The following ZNF385B variants were observed in gnomAD, a reference collection of about 807,000 sequenced individuals.
ZNF385B encodes the protein zinc finger protein 385B.
ZNF385B carries 23 observed loss-of-function variants against 39.2 expected under a neutral mutation model. The observed-to-expected ratio is 0.59, with a 90% confidence interval of 0.42 to 0.83. The LOEUF is 0.83. Among genes scored for constraint, ZNF385B ranks in the 40% least tolerant of loss-of-function variants. ZNF385B has a pLI of 0.00. For missense variants in ZNF385B, 552 were observed against 598.9 expected (o/e 0.92, Z 0.82); for synonymous variants, 205 against 222.6 (o/e 0.92, Z 0.70).
intron 3 of ZNF385B, among the ~76,000 whole-genome samples, chr2:179,643,432 T>C (rs562178694): frequency 6.6e-6 from 1 of 152,180 alleles, no homozygotes; most frequent in African/African-American, 2.4e-5. Flanking sequence ...GAAAATTCAC[T>C]GAGACAGTTT....
At chr2:179,739,369 C>G (rs1701953648) in intron 3 of ZNF385B, among the ~76,000 whole-genome samples, 1 of 152,162 alleles carries the variant, frequency 6.6e-6, no homozygotes, top group Admixed American at 6.5e-5. Context: ...GATTATAGAA[C>G]AGGCTCCTCT....
intron 6 of ZNF385B, among the ~76,000 whole-genome samples, chr2:179,472,504 G>A (rs907971793): frequency 6.6e-6 from 1 of 152,144 alleles, no homozygotes; most frequent in Non-Finnish European, 1.5e-5. Context: ...ATATTTCAAA[G>A]CAACGAATAA....
chr2:179,621,920 T>C (rs936757650), intron 3 of ZNF385B, among the ~76,000 whole-genome samples: 3 of 152,204 alleles, frequency 2.0e-5, no homozygotes, highest in Non-Finnish European at 2.9e-5. Context: ...TTTGACAACA[T>C]GATGAGAGTT....
chr2:179,493,709 A>G (rs1245623757), intron 5 of ZNF385B, among the ~76,000 whole-genome samples: 17 of 92,028 alleles, frequency 1.8e-4, no homozygotes, highest in South Asian at 6.8e-4. Flanking sequence ...ATATGTATAC[A>G]CATATGCATA....
At chr2:179,854,119 T>C (rs773973671) in intron 1 of ZNF385B, among the ~76,000 whole-genome samples, 1 of 152,228 alleles carries the variant, frequency 6.6e-6, no homozygotes, top group Non-Finnish European at 1.5e-5. Flanking sequence ...GGCATTTTTG[T>C]GCTCTTATTC....
At chr2:179,674,161 C>G (rs140117243) in intron 3 of ZNF385B, among the ~76,000 whole-genome samples, 5 of 152,130 alleles carry the variant, frequency 3.3e-5, no homozygotes, top group South Asian at 2.1e-4. Flanking sequence ...ATCTATTTAA[C>G]AAGATTTAAA....
At chr2:179,775,423 C>A (rs1298343625) in intron 1 of ZNF385B, among the ~76,000 whole-genome samples, 1 of 152,118 alleles carries the variant, frequency 6.6e-6, no homozygotes, top group Non-Finnish European at 1.5e-5. Flanking sequence ...ATAACAGTCC[C>A]CAAAATACTT....
At chr2:179,600,769 C>T (rs908916787) in intron 3 of ZNF385B, among the ~76,000 whole-genome samples, 1 of 152,162 alleles carries the variant, frequency 6.6e-6, no homozygotes, top group Admixed American at 6.5e-5. Flanking sequence ...ATTGTGAGCT[C>T]CTTGAAGACA....
chr2:179,446,373 G>A, intron 7 of ZNF385B, 152 bp downstream of exon 7: 1 of 1,081,478 alleles, frequency 9.2e-7, no homozygotes, highest in Non-Finnish European at 1.3e-6. Flanking sequence ...AAAGTCATAT[G>A]ATCATACTTT....
intron 1 of ZNF385B, among the ~76,000 whole-genome samples, chr2:179,801,282 A>C (rs1012883788): frequency 2.6e-5 from 4 of 152,114 alleles, no homozygotes; most frequent in African/African-American, 4.8e-5. Context: ...ATAATGATCA[A>C]GGTTGATCTA....
chr2:179,519,991 G>A (rs2058366983), intron 4 of ZNF385B, among the ~76,000 whole-genome samples: 1 of 152,162 alleles, frequency 6.6e-6, no homozygotes. Context: ...ACAGGACAAT[G>A]TATTCCTATT....
chr2:179,514,072 C>G (rs2057900839), intron 5 of ZNF385B: 1 of 152,172 alleles, frequency 6.6e-6, no homozygotes, highest in Non-Finnish European at 1.5e-5. Context: ...GGCTTAAAAG[C>G]TTATTATCTT....
intron 3 of ZNF385B, among the ~76,000 whole-genome samples, chr2:179,613,203 C>T (rs941312587): frequency 6.6e-6 from 1 of 152,162 alleles, no homozygotes; most frequent in African/African-American, 2.4e-5. Context: ...ACTGAGGACC[C>T]AAGAGCCCTC....
intron 3 of ZNF385B, among the ~76,000 whole-genome samples, chr2:179,614,944 TG>T (rs1291994927): frequency 6.6e-6 from 1 of 152,236 alleles, no homozygotes. Context: ...CTCTGGTATT[TG>T]TCCTACTTAA....
intron 3 of ZNF385B, among the ~76,000 whole-genome samples, chr2:179,628,770 G>T (rs1171159286): frequency 6.6e-6 from 1 of 152,156 alleles, no homozygotes; most frequent in Non-Finnish European, 1.5e-5. Context: ...TCCATGTATT[G>T]GCTGGAATTC....
chr2:179,537,754 CAAACAAACAAACAA>C (rs1383083099), intron 4 of ZNF385B, among the ~76,000 whole-genome samples: 6 of 99,936 alleles, frequency 6.0e-5, no homozygotes, highest in African/African-American at 2.7e-4. Context: ...AACAAACAAA[CAAACAAACAAACAA>C]AAAAAAAAAT....
At chr2:179,672,087 C>A (rs1318754965) in intron 3 of ZNF385B, among the ~76,000 whole-genome samples, 1 of 152,234 alleles carries the variant, frequency 6.6e-6, no homozygotes, top group African/African-American at 2.4e-5. Context: ...TCCTGCAGAT[C>A]CAACCTCTGC....
chr2:179,450,048 T>A (rs2049936364), intron 6 of ZNF385B, among the ~76,000 whole-genome samples: 1 of 152,168 alleles, frequency 6.6e-6, no homozygotes, highest in Non-Finnish European at 1.5e-5. Flanking sequence ...TGGCTAGCCA[T>A]ATGTAGAAAG....
chr2:179,735,939 G>A (rs983968167), intron 3 of ZNF385B, among the ~76,000 whole-genome samples: 1 of 149,602 alleles, frequency 6.7e-6, no homozygotes, highest in Non-Finnish European at 1.5e-5. Flanking sequence ...GCTAGATGAC[G>A]AGTTAGTGGG....
Sources: gnomAD v4.1 joint callset for allele counts (sites outside exome capture counted in the v4.1 genomes callset) on GRCh38, gnomAD v4.1.1 for gene constraint, MANE v1.5 for transcripts, NCBI Gene and HGNC (gene_info 2026-07-23, HGNC 2026-07-21) for gene names.